The following ADAMTSL3 variants were observed in gnomAD, a reference collection of about 807,000 sequenced individuals.
ADAMTSL3 encodes the protein ADAMTS-like protein 3.
In ADAMTSL3, 128 loss-of-function variants were observed where a neutral mutation model predicts 201.7. The ratio of observed to expected loss-of-function variants is 0.63; its 90% CI spans 0.55 to 0.73. ADAMTSL3 has a LOEUF of 0.73. Among genes scored for constraint, ADAMTSL3 ranks in the 30% least tolerant of loss-of-function variants. The pLI is 0.00. For missense variants in ADAMTSL3, 1,990 were observed against 2,119.6 expected (o/e 0.94, Z 1.20); for synonymous variants, 738 against 748.4 (o/e 0.99, Z 0.23).
At chr15:83,821,922 C>A (rs2063876499) in intron 6 of ADAMTSL3, among the ~76,000 whole-genome samples, 1 of 148,468 alleles carries the variant, frequency 6.7e-6, no homozygotes, top group South Asian at 2.2e-4. Context: ...GGCAGAGGGG[C>A]TCCTCACTTC....
At chr15:83,910,587 G>C (rs899586957) in intron 15 of ADAMTSL3, among the ~76,000 whole-genome samples, 1 of 150,802 alleles carries the variant, frequency 6.6e-6, no homozygotes, top group African/African-American at 2.4e-5. Flanking sequence ...AAAACTAGGA[G>C]GACATTGAGT....
chr15:83,785,136 C>G (rs2063240685), intron 4 of ADAMTSL3, among the ~76,000 whole-genome samples: 1 of 152,134 alleles, frequency 6.6e-6, no homozygotes, highest in Non-Finnish European at 1.5e-5. Flanking sequence ...TATGAATCAC[C>G]TAGGCATCTT....
chr15:83,714,789 C>CTT lies in ADAMTSL3; in HGVS notation c.189+10283_189+10284dup, dbSNP rs1337318561. Reference sequence around the variant, plus strand: ...TTTCTTTCTTTCTTTCTTTCTTTTTCTTTCTCTCTCTTTCTTTCTTCTTTC... The same window carrying CTT: ...TTTCTTTCTTTCTTTCTTTCTTTTTCTTTTTCTCTCTCTTTCTTTCTTCTTTC... On this transcript the variant is annotated intron_variant, in intron 3 of 29. Coordinates refer to ENST00000286744, the MANE Select transcript of ADAMTSL3 (RefSeq NM_207517.3). Among the ~76,000 whole-genome samples, 53 of 75,280 alleles carry CTT rather than the reference C, an allele frequency of 7.0e-4. 2 individuals are homozygous for CTT. The East Asian group carries it at 0.013, about 18-fold the overall frequency. 49.4% of individuals were successfully genotyped at this position (75,280 alleles called of 152,430 possible).
intron 25 of ADAMTSL3, among the ~76,000 whole-genome samples, chr15:84,017,767 A>G (rs1378625637): frequency 6.6e-6 from 1 of 152,240 alleles, no homozygotes. Flanking sequence ...TGGACATTCA[A>G]CAAATATTGC....
At chr15:83,849,162 C>T (rs989433069) in intron 7 of ADAMTSL3, among the ~76,000 whole-genome samples, 2 of 152,138 alleles carry the variant, frequency 1.3e-5, no homozygotes, top group African/African-American at 2.4e-5. Context: ...AAATTAGACA[C>T]GGTCGCCTAG....
intron 9 of ADAMTSL3, among the ~76,000 whole-genome samples, chr15:83,882,385 T>G (rs1276339200): frequency 6.6e-6 from 1 of 152,186 alleles, no homozygotes; most frequent in East Asian, 1.9e-4. Context: ...GTCTGGAATT[T>G]TTATGTCATT....
At chr15:83,962,410 T>C (rs1354097920) in intron 19 of ADAMTSL3, 2 of 152,224 alleles carry the variant, frequency 1.3e-5, no homozygotes, top group African/African-American at 4.8e-5. Flanking sequence ...TAAAAATAAC[T>C]ATCCAAATCT....
intron 3 of ADAMTSL3, among the ~76,000 whole-genome samples, chr15:83,751,325 CTT>C (rs2141671913): frequency 6.6e-6 from 1 of 152,260 alleles, no homozygotes; most frequent in South Asian, 2.1e-4. Context: ...AATATACTGA[CTT>C]AACCAAGTGT....
chr15:83,808,915 C>CA (rs548968833), intron 5 of ADAMTSL3, among the ~76,000 whole-genome samples: 22,684 of 96,576 alleles, frequency 0.23, 2,746 homozygotes, highest in African/African-American at 0.39. Flanking sequence ...ACGTGGAATC[C>CA]AAAAAAAAAA....
At chr15:83,848,382 A>T (rs1456105838) in intron 7 of ADAMTSL3, among the ~76,000 whole-genome samples, 1 of 152,246 alleles carries the variant, frequency 6.6e-6, no homozygotes, top group East Asian at 1.9e-4. Context: ...TTGATTAGTT[A>T]ATATTGTGTG....
intron 27 of ADAMTSL3, among the ~76,000 whole-genome samples, chr15:84,026,131 G>A (rs1362416671): frequency 6.6e-6 from 1 of 152,182 alleles, no homozygotes; most frequent in East Asian, 1.9e-4. Flanking sequence ...GTCAGAGCAT[G>A]ATGCAAAACT....
chr15:83,824,558 A>G (rs1048551926), intron 6 of ADAMTSL3, among the ~76,000 whole-genome samples: 3 of 152,322 alleles, frequency 2.0e-5, no homozygotes, highest in Admixed American at 6.5e-5. Flanking sequence ...GGACAAATGT[A>G]TAATGACATG....
At chr15:83,995,705 A>G (rs2067675154) in intron 23 of ADAMTSL3, among the ~76,000 whole-genome samples, 1 of 152,104 alleles carries the variant, frequency 6.6e-6, no homozygotes, top group South Asian at 2.1e-4. Context: ...AAAATATACA[A>G]AGTTTTGGAT....
At chr15:83,798,017 TG>T (rs1403296116) in intron 4 of ADAMTSL3, among the ~76,000 whole-genome samples, 1 of 152,178 alleles carries the variant, frequency 6.6e-6, no homozygotes, top group Non-Finnish European at 1.5e-5. Flanking sequence ...TATTTATAAA[TG>T]GGATTCCTAC....
intron 2 of ADAMTSL3, among the ~76,000 whole-genome samples, chr15:83,695,341 A>G (rs1248105373): frequency 8.6e-6 from 1 of 116,544 alleles, no homozygotes; most frequent in Non-Finnish European, 1.9e-5. Context: ...GTTTTGTGGC[A>G]GAAGGAGGAG....
chr15:83,982,443 T>A lies in ADAMTSL3; in HGVS notation c.2815T>A (p.Phe939Ile), dbSNP rs372875211. Residue 939 changes from phenylalanine (F) to isoleucine (I), a missense_variant, in exon 21 of 30, where the codon TTC becomes ATC. Phe to Ile is a conservative substitution (Grantham distance 21). Transcript: ENST00000286744. ...GATTATTAAGTGCCCCGTGCGACGA[T>A]TCCAGAAATCTCTGATCCAGTGGGA... ...SVIIKCPVRR[F>I]QKSLIQWEKD... The A allele has an allele frequency of 2.5e-6, 4 of 1,614,060 alleles. No homozygotes were observed. In the African/African-American group the frequency reaches 5.3e-5, roughly 22 times the overall value.
intron 3 of ADAMTSL3, among the ~76,000 whole-genome samples, chr15:83,713,704 A>G (rs1257383497): frequency 6.6e-6 from 1 of 152,342 alleles, no homozygotes; most frequent in East Asian, 1.9e-4. Flanking sequence ...TGCAAGCTGA[A>G]TTTTGAAGGA....
intron 3 of ADAMTSL3, among the ~76,000 whole-genome samples, chr15:83,732,161 T>C (rs1227928290): frequency 6.6e-6 from 1 of 152,076 alleles, no homozygotes; most frequent in Non-Finnish European, 1.5e-5. Context: ...TGTACAGCTT[T>C]TACTAAAAGA....
chr15:83,686,169 CA>C (rs1306812125), intron 2 of ADAMTSL3, among the ~76,000 whole-genome samples: 1 of 152,190 alleles, frequency 6.6e-6, no homozygotes, highest in Non-Finnish European at 1.5e-5. Flanking sequence ...CGCTTTTCAT[CA>C]AAACTGAGCT....
Sources: gnomAD v4.1 joint callset for allele counts (sites outside exome capture counted in the v4.1 genomes callset) on GRCh38, gnomAD v4.1.1 for gene constraint, MANE v1.5 for transcripts, NCBI Gene and HGNC (gene_info 2026-07-23, HGNC 2026-07-21) for gene names.